Variants in CNTNAP2 observed in about 807,000 individuals in gnomAD.
CNTNAP2 encodes the protein contactin-associated protein-like 2.
CNTNAP2 carries 98 observed loss-of-function variants against 155.2 expected under a neutral mutation model. The ratio of observed to expected loss-of-function variants is 0.63; its 90% CI spans 0.54 to 0.75. The LOEUF is 0.75. Ranked by LOEUF, CNTNAP2 falls within the 30% of genes least tolerant of loss-of-function variation. CNTNAP2 has a pLI of 0.00. For missense variants in CNTNAP2, 1,727 were observed against 1,688.1 expected (o/e 1.02, Z -0.40); for synonymous variants, 651 against 631.2 (o/e 1.03, Z -0.47).
At chr7:146,852,868 T>A (rs1794906332) in intron 3 of CNTNAP2, among the ~76,000 whole-genome samples, 1 of 152,152 alleles carries the variant, frequency 6.6e-6, no homozygotes, top group Admixed American at 6.5e-5. Flanking sequence ...CAGGGTGAAG[T>A]CGTTGTTTAT....
chr7:146,761,996 C>T (rs1349321685), intron 1 of CNTNAP2, among the ~76,000 whole-genome samples: 2 of 152,038 alleles, frequency 1.3e-5, no homozygotes, highest in Non-Finnish European at 2.9e-5. Context: ...GCCAGATTAA[C>T]AGAAATTAAA....
At chr7:148,279,728 T>C (rs1252412680) in intron 21 of CNTNAP2, among the ~76,000 whole-genome samples, 1 of 152,182 alleles carries the variant, frequency 6.6e-6, no homozygotes, top group African/African-American at 2.4e-5. Flanking sequence ...AAAAGCCTAT[T>C]GATAAATGTC....
intron 1 of CNTNAP2, among the ~76,000 whole-genome samples, chr7:146,606,405 T>TTTGA (rs1799048536): frequency 6.6e-6 from 1 of 152,204 alleles, no homozygotes; most frequent in South Asian, 2.1e-4. Flanking sequence ...TTATGACATT[T>TTTGA]TTGATAGGCA....
rs200051811 is a variant in CNTNAP2 at position 146,985,944 on chromosome 7, A to AT, written c.403-57956dup. 4.6e-3 allele frequency among the ~76,000 whole-genome samples: 698 copies of AT among 152,002 alleles called. 6 individuals are homozygous for AT. Among genetic ancestry groups the AT allele is most frequent in the African/African-American group, 0.016 (651 of 41,528 alleles). ...TCTTAATTATTTTTATTAAAAAAGG[A>AT]TTTTTTTAAGAAAAAATGATTTTTT... On this transcript the variant is annotated intron_variant, in intron 3 of 23. Coordinates refer to ENST00000361727, the MANE Select transcript of CNTNAP2 (RefSeq NM_014141.6).
intron 3 of CNTNAP2, among the ~76,000 whole-genome samples, chr7:146,859,687 C>T (rs1479363592): frequency 6.6e-6 from 1 of 151,862 alleles, no homozygotes; most frequent in East Asian, 1.9e-4. Context: ...ATAATCCTAA[C>T]TCTGAGTCTG....
chr7:147,566,525 G>A (rs1200181594), intron 12 of CNTNAP2, among the ~76,000 whole-genome samples: 1 of 152,114 alleles, frequency 6.6e-6, no homozygotes, highest in African/African-American at 2.4e-5. Context: ...CTCATGGCTG[G>A]GGAAGCCTCT....
intron 9 of CNTNAP2, among the ~76,000 whole-genome samples, chr7:147,352,313 A>G (rs1298220847): frequency 6.6e-6 from 1 of 151,994 alleles, no homozygotes; most frequent in Admixed American, 6.6e-5. Context: ...GTACTTAAAC[A>G]CTTTTGAGAT....
At chr7:147,094,538 A>G (rs2129274565) in intron 4 of CNTNAP2, among the ~76,000 whole-genome samples, 1 of 150,590 alleles carries the variant, frequency 6.6e-6, no homozygotes, top group Non-Finnish European at 1.5e-5. Flanking sequence ...CGTAGCTGGG[A>G]CTACAGGCGT....
At chr7:146,266,573 G>A (rs1799997277) in intron 1 of CNTNAP2, among the ~76,000 whole-genome samples, 1 of 152,024 alleles carries the variant, frequency 6.6e-6, no homozygotes. Flanking sequence ...TTTGTTATAA[G>A]CTGTATTCAT....
At chr7:146,549,443 A>G (rs188822116) in intron 1 of CNTNAP2, among the ~76,000 whole-genome samples, 1 of 152,182 alleles carries the variant, frequency 6.6e-6, no homozygotes, top group Non-Finnish European at 1.5e-5. Context: ...ATGCTTTTAT[A>G]TCTTAAAAGT....
chr7:147,238,954 G>C (rs1803877220), intron 8 of CNTNAP2, among the ~76,000 whole-genome samples: 1 of 152,134 alleles, frequency 6.6e-6, no homozygotes, highest in African/African-American at 2.4e-5. Flanking sequence ...TAGACCACAA[G>C]AGATTTAGAG....
At chr7:147,361,609 T>G (rs1796148408) in intron 9 of CNTNAP2, among the ~76,000 whole-genome samples, 1 of 152,174 alleles carries the variant, frequency 6.6e-6, no homozygotes, top group Admixed American at 6.5e-5. Context: ...ACCTCAAACT[T>G]ATTGAGTAAG....
chr7:147,235,228 A>AGGCTTTCCTGGGTCTCC (rs1803772256), intron 8 of CNTNAP2, among the ~76,000 whole-genome samples: 1 of 152,072 alleles, frequency 6.6e-6, no homozygotes, highest in African/African-American at 2.4e-5. Flanking sequence ...ATTAAACTAT[A>AGGCTTTCCTGGGTCTCC]GGCTTTCCTG....
chr7:147,801,638 G>A (rs1797988333), intron 13 of CNTNAP2, among the ~76,000 whole-genome samples: 1 of 152,020 alleles, frequency 6.6e-6, no homozygotes, highest in Non-Finnish European at 1.5e-5. Context: ...ACAGGGTTGG[G>A]GGTAAGGTCA....
At chr7:147,173,779 C>G (rs936821347) in intron 8 of CNTNAP2, among the ~76,000 whole-genome samples, 1 of 152,106 alleles carries the variant, frequency 6.6e-6, no homozygotes, top group African/African-American at 2.4e-5. Context: ...GGGGACATCA[C>G]AAGTGGGACA....
intron 1 of CNTNAP2, among the ~76,000 whole-genome samples, chr7:146,134,147 T>C (rs1797760883): frequency 6.6e-6 from 1 of 151,846 alleles, no homozygotes; most frequent in Non-Finnish European, 1.5e-5. Context: ...GTAAGTTGGA[T>C]TCCTAGGTAT....
intron 1 of CNTNAP2, among the ~76,000 whole-genome samples, chr7:146,705,475 C>G (rs1800946867): frequency 6.6e-6 from 1 of 151,978 alleles, no homozygotes. Context: ...AAGTCTCTAC[C>G]CTTATGACCT....
chr7:147,610,842 G>A (rs35789542), intron 12 of CNTNAP2, among the ~76,000 whole-genome samples: 7 of 152,016 alleles, frequency 4.6e-5, no homozygotes, highest in South Asian at 2.1e-4. Context: ...GGGCTCAAGC[G>A]ATTCTCCCAC....
intron 3 of CNTNAP2, among the ~76,000 whole-genome samples, chr7:147,035,746 G>C (rs1799141700): frequency 6.6e-6 from 1 of 151,990 alleles, no homozygotes; most frequent in Non-Finnish European, 1.5e-5. Flanking sequence ...TTCGCTATAG[G>C]AGCTTGTGAT....
Sources: gnomAD v4.1 joint callset for allele counts (sites outside exome capture counted in the v4.1 genomes callset) on GRCh38, gnomAD v4.1.1 for gene constraint, MANE v1.5 for transcripts, NCBI Gene and HGNC (gene_info 2026-07-23, HGNC 2026-07-21) for gene names.